MYH13: variants seen among roughly 807,000 people sequenced by gnomAD.
MYH13 encodes the protein myosin heavy chain 13, also known as myosin-13.
MYH13 carries 177 observed loss-of-function variants against 232.1 expected under a neutral mutation model. The ratio of observed to expected loss-of-function variants is 0.76; its 90% CI spans 0.67 to 0.86. MYH13 has a LOEUF of 0.86. Among genes scored for constraint, MYH13 ranks in the 40% least tolerant of loss-of-function variants. The pLI is 0.00. For synonymous variants in MYH13, 884 were observed against 923.5 expected (o/e 0.96, Z 0.78); for missense variants, 2,246 against 2,405.9 (o/e 0.93, Z 1.39).
Position 10,345,502 on chromosome 17 carries a change from C to T in MYH13, c.1378G>A (p.Gly460Arg), listed in dbSNP as rs768240121. The change falls in exon 14 of 41, where the codon GGG (glycine) becomes AGG (arginine). Residue 460 changes from glycine to arginine, a missense_variant. By Grantham distance (125) the Gly-to-Arg change is moderately radical. Coordinates refer to ENST00000252172, the MANE Select transcript of MYH13 (RefSeq NM_003802.3). ...TCAAAGCCAGCAATGTCCAAGACCC[C>T]GATGAAGTACTGCCTGGGCTGCTTG... ...DTKQPRQYFI[G>R]VLDIAGFEIF... 2.0e-5 allele frequency: 33 copies of T among 1,614,052 alleles called. No individual in the cohort carries two copies. The highest frequency in any genetic ancestry group is 2.0e-4 in the South Asian group (18 of 91,090).
chr17:10,340,514 C>T, intron 16 of MYH13, 113 bp from the exon 17 acceptor site: 1 of 777,490 alleles, frequency 1.3e-6, no homozygotes. Flanking sequence ...ACATAAGAGA[C>T]TTGAGGTTTT....
intron 11 of MYH13, among the ~76,000 whole-genome samples, chr17:10,351,333 G>A (rs2071709735): frequency 6.6e-6 from 1 of 152,120 alleles, no homozygotes; most frequent in East Asian, 1.9e-4. Context: ...TGAGAGCTGG[G>A]AATGTCATGG....
chr17:10,315,102 T>C (rs987300810), intron 29 of MYH13, among the ~76,000 whole-genome samples: 1 of 151,934 alleles, frequency 6.6e-6, no homozygotes, highest in Admixed American at 6.6e-5. Context: ...GTGTGTGCAG[T>C]GATGGGGAGG....
intron 2 of MYH13, among the ~76,000 whole-genome samples, chr17:10,366,702 A>G (rs2071840978): frequency 6.6e-6 from 1 of 152,058 alleles, no homozygotes; most frequent in Non-Finnish European, 1.5e-5. Context: ...ATATTTTTTG[A>G]ATAAGGTCTT....
intron 5 of MYH13, among the ~76,000 whole-genome samples, chr17:10,360,520 T>G (rs2071783447): frequency 6.6e-6 from 1 of 152,150 alleles, no homozygotes; most frequent in Non-Finnish European, 1.5e-5. Flanking sequence ...AAGTGTCAGG[T>G]TCAGAGCTTG....
chr17:10,354,385 G>A (rs892071453), intron 11 of MYH13, among the ~76,000 whole-genome samples: 3 of 152,164 alleles, frequency 2.0e-5, no homozygotes, highest in African/African-American at 7.2e-5. Flanking sequence ...TTCAACGAAT[G>A]TTAGGTTAAA....
At chr17:10,367,097 C>G (rs1014918326) in intron 2 of MYH13, among the ~76,000 whole-genome samples, 3 of 152,196 alleles carry the variant, frequency 2.0e-5, no homozygotes, top group Non-Finnish European at 4.4e-5. Context: ...GCTTTCTTCT[C>G]TCATTTCTTT....
intron 29 of MYH13, among the ~76,000 whole-genome samples, chr17:10,313,992 C>T (rs1254333318): frequency 6.6e-6 from 1 of 152,230 alleles, no homozygotes; most frequent in Non-Finnish European, 1.5e-5. Context: ...CCATCCCTCA[C>T]TCCCTCCCAT....
chr17:10,305,520 A>G (rs1906248241), intron 37 of MYH13, among the ~76,000 whole-genome samples: 1 of 152,154 alleles, frequency 6.6e-6, no homozygotes, highest in Non-Finnish European at 1.5e-5. Flanking sequence ...GGTGGTTTGC[A>G]TAAAGAATGA....
chr17:10,330,631 C>T (rs192265196), intron 20 of MYH13, 108 bp from the exon 21 acceptor site: 278 of 1,406,950 alleles, frequency 2.0e-4, no homozygotes, highest in Admixed American at 1.1e-3. Flanking sequence ...TCTCAGAGCA[C>T]GGCAGGGGCA....
rs571033999 is a variant in MYH13 at position 10,323,787 on chromosome 17, AAAGAAGAAGAAGAAGAAG to A, written c.2934+217_2934+234del. 5.2e-4 allele frequency among the ~76,000 whole-genome samples: 35 copies of A among 66,734 alleles called. 1 individual carries two copies. The highest frequency in any genetic ancestry group is 4.2e-3 in the South Asian group (7 of 1,676). The allele number at this position is 66,734 out of a possible 152,430, so 43.8% of individuals were successfully genotyped here. A position where few individuals can be genotyped will look rare whatever the true frequency, so the allele number is the denominator to read the frequency against. On this transcript the variant is annotated intron_variant, in intron 23 of 40. Transcript: ENST00000252172. ...CACAAAAAAAAAAAAAAAAAAAAAA[AAAGAAGAAGAAGAAGAAG>A]AAGAAGAAGAAGAAGAAGAAGAAGA...
intron 33 of MYH13, 73 bp downstream of exon 33, chr17:10,311,030 G>T: frequency 6.3e-7 from 1 of 1,582,336 alleles, no homozygotes; most frequent in South Asian, 1.2e-5. Flanking sequence ...AAGGCCCCAT[G>T]GGGTGGTGAA....
intron 3 of MYH13, among the ~76,000 whole-genome samples, chr17:10,363,415 G>C (rs564910594): frequency 6.6e-6 from 1 of 151,974 alleles, no homozygotes; most frequent in African/African-American, 2.4e-5. Flanking sequence ...GGAAAACTTT[G>C]AGGGTTTCAC....
In MYH13 at chr17:10,306,491, C is replaced by A; in HGVS notation, c.5434G>T (p.Gly1812Trp). ...DEAEQLALKGGKKQIQKLENR... is the reference protein window; with the variant it reads ...DEAEQLALKGWKKQIQKLENR... ...TCCAGTTTCTGGATCTGCTTCTTCC[C>A]GCCCTTCAGCGCCAGTTGTTCAGCC... Residue 1812 changes from glycine (G) to tryptophan (W), a missense_variant, in exon 37 of 41, where the codon GGG becomes TGG. Gly to Trp is a radical substitution (Grantham distance 184). Transcript: ENST00000252172. The surrounding 1 kb of genome is among the most constrained non-coding windows in gnomAD (Gnocchi z 4.3). The A allele has an allele frequency of 6.2e-7, 1 of 1,614,120 alleles. No individual in the cohort carries two copies. Among genetic ancestry groups the A allele is most frequent in the Non-Finnish European group, 8.5e-7 (1 of 1,180,022 alleles).
intron 22 of MYH13, among the ~76,000 whole-genome samples, chr17:10,324,602 G>C (rs991083695): frequency 6.6e-6 from 1 of 151,618 alleles, no homozygotes; most frequent in South Asian, 2.1e-4. Flanking sequence ...GTGCTACCAT[G>C]CCTGGCTAAT....
At chr17:10,311,270 A>G (rs1234417758) in intron 32 of MYH13, 43 bp from the exon 33 acceptor site, 5 of 1,611,196 alleles carry the variant, frequency 3.1e-6, no homozygotes, top group African/African-American at 1.3e-5. Context: ...AACAGGCTCC[A>G]GTTTATAGTA....
At chr17:10,323,061 C>T (rs893273420) in intron 23 of MYH13, among the ~76,000 whole-genome samples, 1 of 152,090 alleles carries the variant, frequency 6.6e-6, no homozygotes, top group African/African-American at 2.4e-5. Flanking sequence ...TTTAGTTCTC[C>T]GTTTTCCCCG....
chr17:10,333,188 A>T lies in MYH13; in HGVS notation c.2060T>A (p.Val687Glu). 6.5e-7 allele frequency: 1 copy of T among 1,545,200 alleles called. No homozygotes were observed. Among genetic ancestry groups the T allele is most frequent in the Non-Finnish European group, 8.8e-7 (1 of 1,141,234 alleles). Residue 687 changes from valine (V) to glutamate (E), a missense_variant, in exon 19 of 41, where the codon GTG becomes GAG. Physicochemically the swap from Val to Glu is moderately radical, Grantham distance 121. Transcript: ENST00000252172. ...LIPNETKTPG[V>E]MDHYLVMHQL... ...GTGCATGACCAAGTAGTGGTCCATC[A>T]CACCTGGAGAGAGAACGTCCCGGGG...
chr17:10,309,972 G>T (rs1906448697), intron 33 of MYH13, 142 bp from the exon 34 acceptor site: 5 of 659,830 alleles, frequency 7.6e-6, no homozygotes, highest in Non-Finnish European at 9.2e-6. Context: ...GGTAGAGACA[G>T]GGTCTGTGTT....
Sources: allele counts gnomAD v4.1 joint callset (sites outside exome capture counted in the v4.1 genomes callset), GRCh38; gene constraint gnomAD v4.1.1; non-coding constraint Gnocchi (gnomAD v3.1); transcripts MANE v1.5; gene names NCBI Gene and HGNC (gene_info 2026-07-23, HGNC 2026-07-21).